MAGI2: variants seen among roughly 807,000 people sequenced by gnomAD.
The protein encoded by MAGI2 is membrane associated guanylate kinase, WW and PDZ domain containing 2.
A neutral mutation model predicts 133.3 loss-of-function variants in MAGI2; 35 were observed. The observed-to-expected ratio is 0.26, with a 90% CI of 0.20 to 0.35. The LOEUF (loss-of-function observed/expected upper bound fraction) is 0.35. MAGI2 is among the 10% of genes least tolerant of loss of function. The pLI is 1.00. For synonymous variants in MAGI2, 729 were observed against 710.6 expected (o/e 1.03, Z -0.41); for missense variants, 1,636 against 1,863.4 (o/e 0.88, Z 2.25).
chr7:79,375,288 A>G (rs1484764595), intron 1 of MAGI2, among the ~76,000 whole-genome samples: 1 of 151,898 alleles, frequency 6.6e-6, no homozygotes, highest in African/African-American at 2.4e-5. Flanking sequence ...AGGTCTCTAG[A>G]TTGTGCATTC....
At chr7:78,657,767 GA>G (rs1227466483) in intron 2 of MAGI2, among the ~76,000 whole-genome samples, 1 of 152,184 alleles carries the variant, frequency 6.6e-6, no homozygotes, top group Non-Finnish European at 1.5e-5. Context: ...CAGACTCATA[GA>G]ATATACAACA....
intron 2 of MAGI2, among the ~76,000 whole-genome samples, chr7:78,630,982 C>T (rs1371145313): frequency 1.3e-5 from 2 of 152,006 alleles, no homozygotes; most frequent in Admixed American, 6.6e-5. Context: ...GCAGTTTCTC[C>T]TCTTCCCTAG....
At chr7:79,112,594 T>C (rs1584955310) in intron 1 of MAGI2, among the ~76,000 whole-genome samples, 1 of 152,234 alleles carries the variant, frequency 6.6e-6, no homozygotes, top group Admixed American at 6.5e-5. Context: ...ATAATCCAAA[T>C]CACACCACTC....
At chr7:78,084,569 C>T (rs1816412370) in intron 20 of MAGI2, among the ~76,000 whole-genome samples, 1 of 152,236 alleles carries the variant, frequency 6.6e-6, no homozygotes, top group South Asian at 2.1e-4. Flanking sequence ...ATGACAATTT[C>T]AATGGTACTT....
At chr7:78,252,419 A>T (rs902230222) in intron 10 of MAGI2, 1 of 151,424 alleles carries the variant, frequency 6.6e-6, no homozygotes, top group African/African-American at 2.4e-5. Context: ...TCAATAAAAA[A>T]TTAGCTTTTT....
At chr7:78,290,443 A>G (rs555056841) in intron 9 of MAGI2, among the ~76,000 whole-genome samples, 78 of 152,344 alleles carry the variant, frequency 5.1e-4, no homozygotes, top group South Asian at 2.5e-3. Context: ...CCAGATTCAT[A>G]AAGCAAGTTC....
At chr7:78,058,239 G>A (rs1202381654) in intron 21 of MAGI2, among the ~76,000 whole-genome samples, 2 of 151,772 alleles carry the variant, frequency 1.3e-5, no homozygotes, top group African/African-American at 4.8e-5. Context: ...AGGGAAAGTA[G>A]CCTCTGTATC....
intron 3 of MAGI2, among the ~76,000 whole-genome samples, chr7:78,612,088 C>A (rs1806512403): frequency 6.6e-6 from 1 of 152,094 alleles, no homozygotes. Context: ...CAATTTCTAC[C>A]TCTACTATTG....
chr7:79,291,489 A>G (rs1023683007), intron 1 of MAGI2, among the ~76,000 whole-genome samples: 5 of 152,170 alleles, frequency 3.3e-5, no homozygotes, highest in African/African-American at 1.2e-4. Context: ...AGGAAATGCT[A>G]AACTGTTTTC....
At chr7:78,761,678 G>A (rs954177764) in intron 2 of MAGI2, among the ~76,000 whole-genome samples, 16 of 151,984 alleles carry the variant, frequency 1.1e-4, no homozygotes, top group African/African-American at 3.9e-4. Flanking sequence ...TGCTGGTCTC[G>A]AACTCCTGAC....
intron 1 of MAGI2, among the ~76,000 whole-genome samples, chr7:79,035,551 A>G (rs1001100255): frequency 6.6e-6 from 1 of 152,210 alleles, no homozygotes. Flanking sequence ...AGGTAAAGGC[A>G]TAATTATGTA....
chr7:78,566,720 T>C (rs1406997320), intron 3 of MAGI2, among the ~76,000 whole-genome samples: 2 of 152,196 alleles, frequency 1.3e-5, no homozygotes, highest in Non-Finnish European at 2.9e-5. Flanking sequence ...ATCAGATAAC[T>C]TACTCTTTTC....
Position 78,627,103 on chromosome 7 carries a change from A to G in MAGI2, c.538+17T>C. On this transcript the variant is annotated intron_variant, in intron 3 of 21. Coordinates refer to ENST00000354212, the MANE Select transcript of MAGI2 (RefSeq NM_012301.4). ...GTGATGCCAACAAGAAAGATTTCTC[A>G]GGAACGTTGTGCTTACCTTCATAAG... is the stretch of plus-strand genomic sequence containing the variant. 6.4e-7 allele frequency: 1 copy of G among 1,555,660 alleles called. No homozygotes were observed. The highest frequency in any genetic ancestry group is 8.7e-7 in the Non-Finnish European group (1 of 1,154,770).
chr7:79,365,840 A>G (rs1359624769), intron 1 of MAGI2, among the ~76,000 whole-genome samples: 1 of 124,034 alleles, frequency 8.1e-6, no homozygotes, highest in East Asian at 2.6e-4. Context: ...AGCCTGGGTG[A>G]TGGGTAATAG....
At chr7:78,382,092 T>A (rs1794974742) in intron 6 of MAGI2, among the ~76,000 whole-genome samples, 1 of 152,190 alleles carries the variant, frequency 6.6e-6, no homozygotes, top group South Asian at 2.1e-4. Flanking sequence ...GTGCAGACAG[T>A]ACAGAACTAT....
chr7:78,575,995 G>T (rs1306975163), intron 3 of MAGI2, among the ~76,000 whole-genome samples: 1 of 151,924 alleles, frequency 6.6e-6, no homozygotes, highest in East Asian at 1.9e-4. Context: ...AGAGAAAATT[G>T]GATGAAAGTT....
At chr7:79,382,860 T>G (rs932489649) in intron 1 of MAGI2, among the ~76,000 whole-genome samples, 1 of 151,578 alleles carries the variant, frequency 6.6e-6, no homozygotes, top group South Asian at 2.1e-4. Context: ...CTGAGAGATA[T>G]CTCCACTTCT....
At chr7:78,761,810 C>A (rs1824540022) in intron 2 of MAGI2, among the ~76,000 whole-genome samples, 1 of 151,932 alleles carries the variant, frequency 6.6e-6, no homozygotes, top group Non-Finnish European at 1.5e-5. Flanking sequence ...CTTGTAACAA[C>A]CTCTTAGGCA....
At chr7:78,903,235 C>T (rs1484278614) in intron 2 of MAGI2, among the ~76,000 whole-genome samples, 1 of 117,906 alleles carries the variant, frequency 8.5e-6, no homozygotes, top group Non-Finnish European at 1.6e-5. Context: ...GCTCTTTCGC[C>T]CAGGCTGGAC....
Sources: gnomAD v4.1 joint callset for allele counts (sites outside exome capture counted in the v4.1 genomes callset) on GRCh38, gnomAD v4.1.1 for gene constraint, MANE v1.5 for transcripts, NCBI Gene and HGNC (gene_info 2026-07-23, HGNC 2026-07-21) for gene names.